The following STXBP5L variants were observed in gnomAD, a reference collection of about 807,000 sequenced individuals.
STXBP5L encodes syntaxin binding protein 5L.
Under a neutral mutation model 144.5 loss-of-function variants are expected in STXBP5L, and 65 were observed. The observed-to-expected ratio is 0.45, with a 90% CI of 0.37 to 0.55. The LOEUF (loss-of-function observed/expected upper bound fraction) is 0.55. STXBP5L is among the 20% of genes least tolerant of loss of function. STXBP5L has a pLI of 0.00. For synonymous variants in STXBP5L, 505 were observed against 469.6 expected, an observed-to-expected ratio of 1.08 and a Z score of -0.97; for missense variants, 1,298 against 1,405.5, an observed-to-expected ratio of 0.92 and a Z score of 1.22.
chr3:121,070,924 G>A lies in STXBP5L; in HGVS notation c.470+25389G>A, dbSNP rs534537827. Among the ~76,000 whole-genome samples the A allele has an allele frequency of 3.3e-5, 5 of 152,258 alleles. No homozygotes were observed. The South Asian group carries it at 8.3e-4, about 25-fold the overall frequency. ...TCGGACTTTAAACCCGAAGTCATAG[G>A]GCAAGAACTCTGGGTCATAACATAG... On this transcript the variant is annotated intron_variant, in intron 5 of 26. Transcript: ENST00000471454.
Position 121,110,962 on chromosome 3 carries a change from C to T in STXBP5L, c.471-3963C>T, listed in dbSNP as rs371669525. ...TTTTTCTTTTTTTTCCTAATCTTAT[C>T]TGCCTGTCTTGTTTCATCAAGATAG... On this transcript the variant is annotated intron_variant, in intron 5 of 26. Transcript: ENST00000471454. 3.1e-3 allele frequency among the ~76,000 whole-genome samples: 470 copies of T among 152,060 alleles called. 1 individual carries two copies. The highest frequency in any genetic ancestry group is 0.01 in the Middle Eastern group (3 of 294).
chr3:121,036,399 A>G (rs547505885), intron 3 of STXBP5L, among the ~76,000 whole-genome samples: 2 of 152,140 alleles, frequency 1.3e-5, no homozygotes, highest in African/African-American at 2.4e-5. Context: ...TGGCTTTCTT[A>G]TGGTTTTCCT....
At chr3:120,992,347 T>G (rs1942983153) in intron 3 of STXBP5L, among the ~76,000 whole-genome samples, 1 of 152,098 alleles carries the variant, frequency 6.6e-6, no homozygotes, top group African/African-American at 2.4e-5. Flanking sequence ...TAAAACAACA[T>G]TGTTTTTAAT....
intron 15 of STXBP5L, among the ~76,000 whole-genome samples, chr3:121,252,966 T>A (rs2050075720): frequency 6.6e-6 from 1 of 152,108 alleles, no homozygotes; most frequent in Admixed American, 6.5e-5. Context: ...CTAGCAAGAG[T>A]GTCTCTTTAC....
chr3:121,062,717 T>G (rs1185549191), intron 5 of STXBP5L, among the ~76,000 whole-genome samples: 1 of 152,236 alleles, frequency 6.6e-6, no homozygotes, highest in Non-Finnish European at 1.5e-5. Context: ...TTTTCATTCT[T>G]TTTTTCTAAT....
chr3:121,118,719 G>T (rs748979852), intron 6 of STXBP5L, among the ~76,000 whole-genome samples: 2 of 151,548 alleles, frequency 1.3e-5, no homozygotes, highest in African/African-American at 4.8e-5. Flanking sequence ...GGTGTTGTAG[G>T]AGTGGAGATA....
intron 20 of STXBP5L, among the ~76,000 whole-genome samples, chr3:121,333,434 T>C (rs558502714): frequency 6.6e-6 from 1 of 151,820 alleles, no homozygotes; most frequent in Non-Finnish European, 1.5e-5. Flanking sequence ...GAAAGATCTC[T>C]AATTAACAAC....
chr3:121,295,851 C>T (rs1465973594), intron 19 of STXBP5L, among the ~76,000 whole-genome samples: 2 of 151,932 alleles, frequency 1.3e-5, no homozygotes, highest in Non-Finnish European at 2.9e-5. Flanking sequence ...ATTTAGTAAG[C>T]AAAAATTTTA....
intron 9 of STXBP5L, among the ~76,000 whole-genome samples, chr3:121,200,622 A>G (rs530367509): frequency 6.6e-6 from 1 of 152,258 alleles, no homozygotes; most frequent in East Asian, 1.9e-4. Flanking sequence ...ATTTAGTGCT[A>G]TAAATTCTGC....
chr3:120,985,173 A>G (rs1942177577), intron 3 of STXBP5L, among the ~76,000 whole-genome samples: 1 of 152,004 alleles, frequency 6.6e-6, no homozygotes, highest in Non-Finnish European at 1.5e-5. Flanking sequence ...TGTTGGCCTT[A>G]CAGAATGAGT....
chr3:121,130,593 G>C (rs1478415579), intron 7 of STXBP5L, among the ~76,000 whole-genome samples: 1 of 152,076 alleles, frequency 6.6e-6, no homozygotes, highest in Non-Finnish European at 1.5e-5. Flanking sequence ...TCAGAGGATT[G>C]GTTGCCATTA....
At chr3:121,092,992 A>G (rs1420005776) in intron 5 of STXBP5L, among the ~76,000 whole-genome samples, 1 of 152,170 alleles carries the variant, frequency 6.6e-6, no homozygotes, top group Non-Finnish European at 1.5e-5. Context: ...GAGTTGTTGA[A>G]TTTTGTCAAA....
chr3:120,998,325 A>G (rs1943513023), intron 3 of STXBP5L, among the ~76,000 whole-genome samples: 1 of 152,190 alleles, frequency 6.6e-6, no homozygotes, highest in South Asian at 2.1e-4. Context: ...TTTTATACCC[A>G]GGAAACCCTG....
intron 5 of STXBP5L, among the ~76,000 whole-genome samples, chr3:121,054,380 G>T (rs187863808): frequency 2.0e-5 from 3 of 152,172 alleles, no homozygotes; most frequent in Non-Finnish European, 4.4e-5. Context: ...AGAAAATGTG[G>T]CACATATACA....
rs1255287666 is a variant in STXBP5L, at chr3:120,976,935, T to C, written c.287+21898T>C. 2.6e-5 allele frequency among the ~76,000 whole-genome samples: 4 copies of C among 152,222 alleles called. No individual in the cohort carries two copies. In the East Asian group the frequency reaches 5.8e-4, roughly 22 times the overall value. The stretch of plus-strand genomic sequence containing the variant: ...CAGTTTGTTATAATTTCTGTTCTTT[T>C]ACATTTGCTGAGGAGAGCTTTACTT... On this transcript the variant is annotated intron_variant, in intron 3 of 26. Transcript: ENST00000471454.
At chr3:121,342,118 C>G (rs978986386) in intron 20 of STXBP5L, among the ~76,000 whole-genome samples, 1 of 151,906 alleles carries the variant, frequency 6.6e-6, no homozygotes, top group African/African-American at 2.4e-5. Context: ...TATACACATA[C>G]TATTTACCCA....
chr3:120,992,524 T>A (rs1943004208), intron 3 of STXBP5L, among the ~76,000 whole-genome samples: 1 of 152,148 alleles, frequency 6.6e-6, no homozygotes, highest in Non-Finnish European at 1.5e-5. Flanking sequence ...TTTTTTTATC[T>A]ACTACATATG....
chr3:120,970,200 A>C (rs1433359270), intron 3 of STXBP5L, among the ~76,000 whole-genome samples: 1 of 152,074 alleles, frequency 6.6e-6, no homozygotes, highest in Non-Finnish European at 1.5e-5. Flanking sequence ...TTTAGCCTTC[A>C]TACTCAAGAT....
At chr3:121,008,692 A>G (rs1376872951) in intron 3 of STXBP5L, among the ~76,000 whole-genome samples, 2 of 152,020 alleles carry the variant, frequency 1.3e-5, no homozygotes, top group Non-Finnish European at 1.5e-5. Context: ...CTTATGTGAT[A>G]ATAGTACTAC....
Sources: allele counts gnomAD v4.1 joint callset (sites outside exome capture counted in the v4.1 genomes callset), GRCh38; gene constraint gnomAD v4.1.1; transcripts MANE v1.5; gene names NCBI Gene and HGNC (gene_info 2026-07-23, HGNC 2026-07-21).